Variants in MAPK10 observed in about 807,000 individuals in gnomAD.
MAPK10 encodes the protein mitogen-activated protein kinase 10.
In MAPK10, 25 loss-of-function variants were observed where a neutral mutation model predicts 59.3. The ratio of observed to expected loss-of-function variants is 0.42; its 90% CI spans 0.31 to 0.59. MAPK10 has a LOEUF of 0.59. MAPK10 is among the 20% of genes least tolerant of loss of function. The pLI is 0.15. For synonymous variants in MAPK10, 190 were observed against 200.5 expected, an observed-to-expected ratio of 0.95 and a Z score of 0.44; for missense variants, 351 against 568.9, an observed-to-expected ratio of 0.62 and a Z score of 3.90.
chr4:86,111,297 C>T (rs2057438070), intron 4 of MAPK10, among the ~76,000 whole-genome samples: 1 of 152,080 alleles, frequency 6.6e-6, no homozygotes, highest in South Asian at 2.1e-4. Context: ...GCATCCTTGT[C>T]TTGTGTCAGT....
intron 5 of MAPK10, among the ~76,000 whole-genome samples, chr4:86,106,110 T>G (rs1335358877): frequency 6.6e-6 from 1 of 152,140 alleles, no homozygotes; most frequent in Non-Finnish European, 1.5e-5. Flanking sequence ...GTCAAATGAC[T>G]GAATTAAAAA....
intron 3 of MAPK10, among the ~76,000 whole-genome samples, chr4:86,176,360 T>A (rs999573047): frequency 6.6e-6 from 1 of 152,152 alleles, no homozygotes; most frequent in African/African-American, 2.4e-5. Context: ...AACTTCTGTA[T>A]TTTGAAAAAT....
intron 1 of MAPK10, among the ~76,000 whole-genome samples, chr4:86,442,089 T>C (rs2149048302): frequency 6.6e-6 from 1 of 152,336 alleles, no homozygotes; most frequent in South Asian, 2.1e-4. Context: ...TTTCATTTTC[T>C]CTTGATCATC....
chr4:86,466,864 C>T (rs1564911949), intron 1 of MAPK10, among the ~76,000 whole-genome samples: 1 of 152,180 alleles, frequency 6.6e-6, no homozygotes, highest in African/African-American at 2.4e-5. Context: ...TCACTTGCTT[C>T]AGCAACAAAA....
At chr4:86,481,798 A>C (rs1753634508) in intron 1 of MAPK10, among the ~76,000 whole-genome samples, 2 of 152,202 alleles carry the variant, frequency 1.3e-5, no homozygotes, top group Admixed American at 1.3e-4. Context: ...AACCCCATGA[A>C]ATCATCTAAT....
At chr4:86,218,645 G>GT (rs2088567045) in intron 2 of MAPK10, among the ~76,000 whole-genome samples, 1 of 149,600 alleles carries the variant, frequency 6.7e-6, no homozygotes, top group African/African-American at 2.5e-5. Flanking sequence ...TGAACAAGTA[G>GT]TATCATTGCT....
intron 2 of MAPK10, among the ~76,000 whole-genome samples, chr4:86,246,305 C>A (rs1044758619): frequency 3.3e-5 from 5 of 151,992 alleles, no homozygotes; most frequent in African/African-American, 1.2e-4. Flanking sequence ...GTGGTGGGTA[C>A]CTGTGGTCCC....
At chr4:86,206,549 G>T (rs1227128649) in intron 2 of MAPK10, among the ~76,000 whole-genome samples, 2 of 152,088 alleles carry the variant, frequency 1.3e-5, no homozygotes, top group African/African-American at 2.4e-5. Context: ...ATAGTCCTTT[G>T]GGTATATACC....
intron 4 of MAPK10, among the ~76,000 whole-genome samples, chr4:86,127,337 T>C (rs999411818): frequency 6.6e-6 from 1 of 151,956 alleles, no homozygotes; most frequent in African/African-American, 2.4e-5. Flanking sequence ...AAATAAATAA[T>C]TGTTACACAA....
intron 1 of MAPK10, among the ~76,000 whole-genome samples, chr4:86,378,496 C>A (rs912891737): frequency 2.0e-5 from 3 of 151,176 alleles, no homozygotes; most frequent in African/African-American, 7.3e-5. Flanking sequence ...CTCTTTTCGA[C>A]ATATTAAATG....
At chr4:86,435,840 C>G (rs2149044167) in intron 1 of MAPK10, among the ~76,000 whole-genome samples, 1 of 152,168 alleles carries the variant, frequency 6.6e-6, no homozygotes, top group Admixed American at 6.5e-5. Flanking sequence ...TTGAGCTGAG[C>G]CAAATTCAGC....
Position 86,491,064 on chromosome 4 carries a change from T to A in MAPK10, c.-263+102846A>T, listed in dbSNP as rs1221504701. Among the ~76,000 whole-genome samples the A allele has an allele frequency of 3.3e-5, 5 of 152,184 alleles. 1 individual carries two copies. The highest frequency in any genetic ancestry group is 1.2e-4 in the African/African-American group (5 of 41,434). On this transcript the variant is annotated intron_variant, in intron 1 of 4. Coordinates refer to the MAPK10 transcript ENST00000502302. ...TTTTGTATAAAGATGTGATCTACTG[T>A]GGGCAAAAGTCTGGATTCTTGGCTA...
At chr4:86,516,624 GT>G (rs200814720) in intron 1 of MAPK10, among the ~76,000 whole-genome samples, 1 of 149,922 alleles carries the variant, frequency 6.7e-6, no homozygotes, top group Non-Finnish European at 1.5e-5. Context: ...ATTCCTAAGG[GT>G]TTTTTTGTTG....
chr4:86,202,806 T>A lies in MAPK10; in HGVS notation c.-6-8399A>T, dbSNP rs17011479. ...TTGCTATGAAAAGCAGGCATCCTGA[T>A]CTTTCCTAGTTTGCATTACAAAGAC... On this transcript the variant is annotated intron_variant, in intron 2 of 13. Transcript: ENST00000641462. Among the ~76,000 whole-genome samples the A allele has an allele frequency of 2.4e-3, 372 of 152,070 alleles. 2 individuals are homozygous for A. The highest frequency in any genetic ancestry group is 8.3e-3 in the African/African-American group (343 of 41,504).
chr4:86,431,670 A>G (rs1748062951), intron 1 of MAPK10, among the ~76,000 whole-genome samples: 1 of 152,240 alleles, frequency 6.6e-6, no homozygotes, highest in South Asian at 2.1e-4. Flanking sequence ...GCCTTTGGTC[A>G]GAAGCTAGAA....
chr4:86,256,726 CTTTCTTTCT>C (rs1474940264), intron 2 of MAPK10, among the ~76,000 whole-genome samples: 1 of 99,238 alleles, frequency 1.0e-5, no homozygotes, highest in African/African-American at 4.8e-5. Context: ...TTTTTCTTTT[CTTTCTTTCT>C]TTTTTTTTTT....
chr4:86,552,502 A>AGGGAAGGGAAGG (rs1759913088), intron 1 of MAPK10, among the ~76,000 whole-genome samples: 1 of 32,964 alleles, frequency 3.0e-5, no homozygotes, highest in Non-Finnish European at 6.4e-5. Context: ...GGAGGGAAGG[A>AGGGAAGGGAAGG]AAGGAAGGAA....
At chr4:86,181,854 A>G (rs535839076) in intron 3 of MAPK10, among the ~76,000 whole-genome samples, 22 of 152,242 alleles carry the variant, frequency 1.4e-4, no homozygotes, top group Non-Finnish European at 2.4e-4. Flanking sequence ...CACAACACAT[A>G]TTATTTCTCT....
Position 86,017,251 on chromosome 4 carries a change from C to T in MAPK10, c.1372G>A (p.Gly458Arg). 1.2e-6 allele frequency: 2 copies of T among 1,614,106 alleles called. No homozygotes were observed. Among genetic ancestry groups the T allele is most frequent in the Non-Finnish European group, 1.7e-6 (2 of 1,180,006 alleles). ...DTDSSLEASA[G>R]PLGCCR is the part of the protein sequence containing the mutation. Reference sequence around the variant, plus strand: ...AGTCACCTGCAACAACCCAGGGGTCCTGCCGAGGCTTCCAGGCTGCTGTCA... The same window carrying T: ...AGTCACCTGCAACAACCCAGGGGTCTTGCCGAGGCTTCCAGGCTGCTGTCA... Residue 458 changes from glycine to arginine, a missense_variant, in exon 14 of 14, where the codon GGA becomes AGA. Transcript: ENST00000641462. This position sits in a 1 kb window ranked among gnomAD's most constrained non-coding sequence, Gnocchi z 4.4.
Sources: gnomAD v4.1 joint callset for allele counts (sites outside exome capture counted in the v4.1 genomes callset) on GRCh38, gnomAD v4.1.1 for gene constraint, Gnocchi (gnomAD v3.1) non-coding constraint, MANE v1.5 for transcripts, NCBI Gene and HGNC (gene_info 2026-07-23, HGNC 2026-07-21) for gene names.